AUTS2: variants seen among roughly 807,000 people sequenced by gnomAD.
AUTS2 encodes the protein autism susceptibility gene 2 protein.
A neutral mutation model predicts 112.4 loss-of-function variants in AUTS2; 17 were observed. That is an observed-to-expected ratio of 0.15 (90% CI 0.10 to 0.23). The LOEUF (loss-of-function observed/expected upper bound fraction) is 0.23, where lower values mean the gene tolerates loss of function less well. Ranked by LOEUF, AUTS2 falls within the 10% of genes least tolerant of loss-of-function variation. The pLI is 1.00. For synonymous variants in AUTS2, 751 were observed against 702.7 expected, an observed-to-expected ratio of 1.07 and a Z score of -1.09; for missense variants, 1,510 against 1,701.6, an observed-to-expected ratio of 0.89 and a Z score of 1.98.
chr7:69,620,235 G>A (rs1793591960), intron 1 of AUTS2, among the ~76,000 whole-genome samples: 1 of 152,180 alleles, frequency 6.6e-6, no homozygotes, highest in African/African-American at 2.4e-5. Flanking sequence ...GAGAAGGAGG[G>A]CGGAAAACGA....
chr7:69,913,336 A>G (rs146945803), intron 2 of AUTS2, among the ~76,000 whole-genome samples: 2 of 152,328 alleles, frequency 1.3e-5, no homozygotes, highest in African/African-American at 2.4e-5. Context: ...ATTACTGGGA[A>G]TGAAAGGGGG....
intron 5 of AUTS2, among the ~76,000 whole-genome samples, chr7:70,526,579 C>T (rs1024747751): frequency 1.3e-5 from 2 of 152,134 alleles, no homozygotes; most frequent in South Asian, 2.1e-4. Flanking sequence ...GGCTGAGACA[C>T]GAGATTCACT....
Position 70,739,548 on chromosome 7 carries a change from T to A in AUTS2, c.743-23322T>A, listed in dbSNP as rs143388331. Among the ~76,000 whole-genome samples the A allele has an allele frequency of 1.7e-3, 265 of 152,114 alleles. 1 individual carries two copies. Among genetic ancestry groups the A allele is most frequent in the African/African-American group, 6.0e-3 (248 of 41,506 alleles). On this transcript the variant is annotated intron_variant, in intron 6 of 18. Transcript: ENST00000342771. ...GTTATGATGTTAGTAGTGTGTCTGG[T>A]TCTGAAGTTACAGGATAGGAGATAG...
At chr7:69,669,779 A>G (rs1276749736) in intron 1 of AUTS2, among the ~76,000 whole-genome samples, 1 of 152,036 alleles carries the variant, frequency 6.6e-6, no homozygotes, top group Non-Finnish European at 1.5e-5. Context: ...TTGTTGTAAG[A>G]AGGATATGGC....
At chr7:69,842,287 A>C (rs1792014846) in intron 1 of AUTS2, among the ~76,000 whole-genome samples, 1 of 152,216 alleles carries the variant, frequency 6.6e-6, no homozygotes, top group Non-Finnish European at 1.5e-5. Context: ...ATGAAATGCT[A>C]ATATAAGAAA....
At chr7:70,675,701 G>C (rs558681872) in intron 5 of AUTS2, among the ~76,000 whole-genome samples, 1 of 152,348 alleles carries the variant, frequency 6.6e-6, no homozygotes, top group African/African-American at 2.4e-5. Flanking sequence ...CTTCACTCAT[G>C]CATGAGGCAC....
intron 5 of AUTS2, among the ~76,000 whole-genome samples, chr7:70,493,845 T>C (rs189011651): frequency 2.1e-3 from 325 of 152,320 alleles, no homozygotes; most frequent in African/African-American, 7.3e-3. Flanking sequence ...TACTAAGCAC[T>C]GTTATTGCTA....
intron 4 of AUTS2, chr7:70,290,792 G>A (rs1788673650): frequency 2.0e-6 from 1 of 493,376 alleles, no homozygotes; most frequent in Non-Finnish European, 2.9e-6. Flanking sequence ...AAAGAGTGCT[G>A]CTTGCCAAGA....
chr7:69,840,701 C>T (rs968935530), intron 1 of AUTS2, among the ~76,000 whole-genome samples: 6 of 152,156 alleles, frequency 3.9e-5, no homozygotes, highest in Admixed American at 3.9e-4. Context: ...CAGACAGACA[C>T]TCTGGGCATC....
intron 2 of AUTS2, among the ~76,000 whole-genome samples, chr7:69,943,438 G>A (rs1796699430): frequency 6.6e-6 from 1 of 152,116 alleles, no homozygotes; most frequent in African/African-American, 2.4e-5. Flanking sequence ...TGAATTTACT[G>A]TTATTCTAAA....
At chr7:70,320,744 G>A (rs1790215261) in intron 4 of AUTS2, among the ~76,000 whole-genome samples, 1 of 152,232 alleles carries the variant, frequency 6.6e-6, no homozygotes. Flanking sequence ...CTGGCACTAG[G>A]TAGGCTCCAG....
At chr7:70,519,983 G>A (rs1799576587) in intron 5 of AUTS2, among the ~76,000 whole-genome samples, 1 of 152,144 alleles carries the variant, frequency 6.6e-6, no homozygotes, top group Non-Finnish European at 1.5e-5. Flanking sequence ...AATTCAATTA[G>A]TTCTTTATAT....
rs563430410 is a variant in AUTS2, at chr7:70,041,102, T to G, written c.523-77030T>G. 5.3e-5 allele frequency among the ~76,000 whole-genome samples: 8 copies of G among 152,216 alleles called. No individual in the cohort carries two copies. In the East Asian group the frequency reaches 1.5e-3, roughly 29 times the overall value. ...TTACAAGGAGTGAAATAATATAAAT[T>G]AGCTTCCTCTAGTGATAAAACTGCA... On this transcript the variant is annotated intron_variant, in intron 2 of 18. Coordinates refer to ENST00000342771, the MANE Select transcript of AUTS2 (RefSeq NM_015570.4).
At chr7:70,066,668 T>C (rs1437403849) in intron 2 of AUTS2, among the ~76,000 whole-genome samples, 1 of 151,714 alleles carries the variant, frequency 6.6e-6, no homozygotes, top group African/African-American at 2.4e-5. Flanking sequence ...CCCTCCTGAA[T>C]AGCTGGTACT....
At chr7:69,622,548 A>G (rs1189526482) in intron 1 of AUTS2, among the ~76,000 whole-genome samples, 1 of 152,234 alleles carries the variant, frequency 6.6e-6, no homozygotes, top group Non-Finnish European at 1.5e-5. Flanking sequence ...TCAACAATGT[A>G]ATAATGATAA....
In AUTS2 at chr7:69,614,376, G is replaced by GCTTTCTTTTCTTTCTTTCTTTCTTTCT. The variant is rs769423577; in HGVS notation, c.309+14414_309+14415insCTTTCTTTTCTTTCTTTCTTTCTTTCT. On this transcript the variant is annotated intron_variant, in intron 1 of 18. Transcript: ENST00000342771. ...TCTTTCTTTCTTTCTTTTTTTAAGA[G>GCTTTCTTTTCTTTCTTTCTTTCTTTCT]ATGGGATCTCACTCTGTTTCCCAGG... Among the ~76,000 whole-genome samples the GCTTTCTTTTCTTTCTTTCTTTCTTTCT allele has an allele frequency of 1.9e-3, 119 of 64,192 alleles. 23 individuals are homozygous for GCTTTCTTTTCTTTCTTTCTTTCTTTCT. Among genetic ancestry groups the GCTTTCTTTTCTTTCTTTCTTTCTTTCT allele is most frequent in the Non-Finnish European group, 2.6e-3 (87 of 33,356 alleles). 42.1% of individuals were successfully genotyped at this position (64,192 alleles called of 152,430 possible). A position where few individuals can be genotyped will look rare whatever the true frequency, so the allele number is the denominator to read the frequency against.
intron 4 of AUTS2, among the ~76,000 whole-genome samples, chr7:70,356,162 T>C (rs567792979): frequency 9.2e-5 from 14 of 152,252 alleles, no homozygotes; most frequent in African/African-American, 3.1e-4. Flanking sequence ...CTGCTACAGA[T>C]CAGACATAAC....
At chr7:70,367,555 C>CAAA (rs765864988) in intron 4 of AUTS2, among the ~76,000 whole-genome samples, 5 of 100,618 alleles carry the variant, frequency 5.0e-5, no homozygotes, top group African/African-American at 1.9e-4. Context: ...GACTCTGTCT[C>CAAA]AAAAAAAAAA....
In AUTS2 at chr7:69,855,703, C is replaced by G. The variant is rs115513522; in HGVS notation, c.310-43583C>G. 2.9e-3 allele frequency among the ~76,000 whole-genome samples: 443 copies of G among 152,160 alleles called. 5 individuals carry two copies. The highest frequency in any genetic ancestry group is 0.01 in the African/African-American group (429 of 41,514). ...TAGACTTTAAATGTTGGTTGTAGTC[C>G]GTATAACTGCCAGACTTAACTTATA... On this transcript the variant is annotated intron_variant, in intron 1 of 18. Coordinates refer to ENST00000342771, the MANE Select transcript of AUTS2 (RefSeq NM_015570.4).
Sources: gnomAD v4.1 joint callset for allele counts (sites outside exome capture counted in the v4.1 genomes callset) on GRCh38, gnomAD v4.1.1 for gene constraint, MANE v1.5 for transcripts, NCBI Gene and HGNC (gene_info 2026-07-23, HGNC 2026-07-21) for gene names.